OPRM1: variants seen among roughly 807,000 people sequenced by gnomAD.
OPRM1 encodes mu-type opioid receptor.
In OPRM1, 27 loss-of-function variants were observed where a neutral mutation model predicts 31.8. The ratio of observed to expected loss-of-function variants is 0.85; its 90% CI spans 0.63 to 1.17. OPRM1 has a LOEUF of 1.17. OPRM1 is among the 50% of genes most tolerant of loss of function. The pLI is 0.00. For missense variants in OPRM1, 536 were observed against 511.1 expected, an observed-to-expected ratio of 1.05 and a Z score of -0.47; for synonymous variants, 196 against 189.9, an observed-to-expected ratio of 1.03 and a Z score of -0.26.
intron 3 of OPRM1, among the ~76,000 whole-genome samples, chr6:154,228,503 A>G (rs1347576592): frequency 6.6e-6 from 1 of 152,154 alleles, no homozygotes; most frequent in East Asian, 1.9e-4. Flanking sequence ...ATGATGTTCT[A>G]TGATCTCAAA....
chr6:154,025,824 T>C (rs1778662972), intron 1 of OPRM1, among the ~76,000 whole-genome samples: 1 of 152,086 alleles, frequency 6.6e-6, no homozygotes, highest in Non-Finnish European at 1.5e-5. Context: ...CAAAAAACTC[T>C]AAACCTTAAC....
chr6:154,038,972 A>G (rs753421795), upstream of OPRM1: 16 of 589,516 alleles, frequency 2.7e-5, no homozygotes, highest in Non-Finnish European at 3.6e-5. Context: ...AATTGGCAGT[A>G]GGGATGGAAG....
intron 3 of OPRM1, among the ~76,000 whole-genome samples, chr6:154,234,102 G>A (rs1439781163): frequency 6.6e-6 from 1 of 152,180 alleles, no homozygotes; most frequent in African/African-American, 2.4e-5. Context: ...CAATTATGCA[G>A]GAAGCTGAGG....
intron 3 of OPRM1, among the ~76,000 whole-genome samples, chr6:154,169,890 CTT>C (rs1216459671): frequency 3.9e-5 from 6 of 152,122 alleles, no homozygotes; most frequent in Non-Finnish European, 7.4e-5. Flanking sequence ...AGTAATCTCT[CTT>C]TTTTCTTAAG....
In OPRM1 at chr6:154,116,964, G is replaced by A. The variant is rs558314390; in HGVS notation, c.1165-1719G>A. ...CATTTGTAACTTACAACTTGACACC[G>A]TTGTGCTTTCCTCCCTAATGGAACC... On this transcript the variant is annotated intron_variant, in intron 3 of 3. Coordinates refer to ENST00000330432, the MANE Select transcript of OPRM1 (RefSeq NM_000914.5). 8.5e-5 allele frequency among the ~76,000 whole-genome samples: 13 copies of A among 152,208 alleles called. No homozygotes were observed. In the South Asian group the frequency reaches 1.0e-3, roughly 12 times the overall value.
chr6:154,241,447 G>A (rs1052251233), intron 3 of OPRM1, among the ~76,000 whole-genome samples: 4 of 151,858 alleles, frequency 2.6e-5, no homozygotes, highest in Admixed American at 6.6e-5. Context: ...AGTAAGCGAC[G>A]GTGAATCTAA....
At chr6:154,046,101 G>C (rs1781066335) in intron 1 of OPRM1, among the ~76,000 whole-genome samples, 1 of 152,150 alleles carries the variant, frequency 6.6e-6, no homozygotes, top group Non-Finnish European at 1.5e-5. Context: ...CTATACGTTA[G>C]CACAGTAAAA....
intron 3 of OPRM1, among the ~76,000 whole-genome samples, chr6:154,180,407 TATA>T (rs1406029302): frequency 1.6e-3 from 66 of 40,188 alleles, no homozygotes; most frequent in African/African-American, 5.2e-3. Context: ...TATATATATA[TATA>T]TATATTTTTT....
At chr6:154,188,090 A>C (rs1756381165) in intron 3 of OPRM1, among the ~76,000 whole-genome samples, 1 of 152,268 alleles carries the variant, frequency 6.6e-6, no homozygotes, top group Non-Finnish European at 1.5e-5. Context: ...TATCATTTGT[A>C]GAAATATGAT....
At chr6:154,012,889 G>A (rs1275663880) in intron 1 of OPRM1, among the ~76,000 whole-genome samples, 2 of 152,020 alleles carry the variant, frequency 1.3e-5, no homozygotes, top group East Asian at 3.9e-4. Flanking sequence ...GAGGAAGAAA[G>A]CCTTCTTGGG....
rs568646592 is a variant in OPRM1 at position 154,169,695 on chromosome 6, C to T, written c.1165-76998C>T. On this transcript the variant is annotated intron_variant, in intron 3 of 3. Transcript: ENST00000337049. The stretch of plus-strand genomic sequence containing the variant: ...CTTCCTAACCACACTTTGCCAGCCT[C>T]GGCCCACATGATTGCAGTGAAGCCA... Among the ~76,000 whole-genome samples the T allele has an allele frequency of 2.0e-5, 3 of 152,292 alleles. No individual in the cohort carries two copies. The East Asian group carries it at 5.8e-4, about 29-fold the overall frequency.
intron 1 of OPRM1, among the ~76,000 whole-genome samples, chr6:154,053,544 A>G (rs1782609788): frequency 6.6e-6 from 1 of 152,246 alleles, no homozygotes; most frequent in Non-Finnish European, 1.5e-5. Context: ...CTAGCTGGGT[A>G]AAAAGGAGTG....
chr6:154,026,567 C>T (rs765488215), intron 1 of OPRM1, among the ~76,000 whole-genome samples: 2 of 152,128 alleles, frequency 1.3e-5, no homozygotes, highest in Non-Finnish European at 2.9e-5. Context: ...AGGCCAATAA[C>T]TCTTAGATTT....
At chr6:154,064,849 T>C (rs1785062479) in intron 1 of OPRM1, among the ~76,000 whole-genome samples, 1 of 152,200 alleles carries the variant, frequency 6.6e-6, no homozygotes, top group Admixed American at 6.6e-5. Flanking sequence ...TTGGTCAATA[T>C]GTATGGCTTT....
rs1797584716 is a variant in OPRM1 at position 154,126,313 on chromosome 6, T to C, written c.*7592T>C. 6.6e-6 allele frequency among the ~76,000 whole-genome samples: 1 copy of C among 152,188 alleles called. No homozygotes were observed. Among genetic ancestry groups the C allele is most frequent in the Non-Finnish European group, 1.5e-5 (1 of 68,036 alleles). On this transcript the variant is annotated 3_prime_UTR_variant, in exon 4 of 4. Coordinates refer to ENST00000330432, the MANE Select transcript of OPRM1 (RefSeq NM_000914.5). ...TTCATTAATTTAAGCACAGCAAAAC[T>C]GCTTTAATTAACAAGACCAGAGAGA...
intron 1 of OPRM1, among the ~76,000 whole-genome samples, chr6:154,079,391 G>A (rs1788591345): frequency 6.6e-6 from 1 of 152,188 alleles, no homozygotes; most frequent in African/African-American, 2.4e-5. Flanking sequence ...ACTGCATGGG[G>A]GAAGTGAGCC....
At chr6:154,112,002 T>A (rs1308949493) in intron 3 of OPRM1, among the ~76,000 whole-genome samples, 1 of 152,216 alleles carries the variant, frequency 6.6e-6, no homozygotes, top group Admixed American at 6.5e-5. Context: ...CCTGACCTTG[T>A]GATCCGCCCG....
chr6:154,135,606 T>G (rs986618567), downstream of OPRM1, among the ~76,000 whole-genome samples: 6 of 152,244 alleles, frequency 3.9e-5, no homozygotes, highest in Non-Finnish European at 1.5e-5. Context: ...TTTAACTCTG[T>G]CTTCTTCCTA....
At position 154,102,918 on chromosome 6, in the gene OPRM1, C is replaced by CAAA. The variant is rs58694186; in HGVS notation, c.1164+11462_1164+11464dup. Among the ~76,000 whole-genome samples, 16 of 80,788 alleles carry CAAA rather than the reference C, an allele frequency of 2.0e-4. 1 individual carries two copies. The highest frequency in any genetic ancestry group is 4.7e-4 in the African/African-American group (13 of 27,826). 53.0% of individuals were successfully genotyped at this position (80,788 alleles called of 152,430 possible). ...TTTCTTCTACACCACTAACCAGTTG[C>CAAA]AAAAAAAAAAAAAAAAAACACTCCA... is the stretch of plus-strand genomic sequence containing the variant. On this transcript the variant is annotated intron_variant, in intron 3 of 3. Transcript: ENST00000330432.
Sources: allele counts gnomAD v4.1 joint callset (sites outside exome capture counted in the v4.1 genomes callset), GRCh38; gene constraint gnomAD v4.1.1; transcripts MANE v1.5; gene names NCBI Gene and HGNC (gene_info 2026-07-23, HGNC 2026-07-21).